The following ABCA13 variants were observed in gnomAD, a reference collection of about 807,000 sequenced individuals.
ABCA13 encodes the protein ATP binding cassette subfamily A member 13, also known as ATP-binding cassette sub-family A member 13.
ABCA13 carries 476 observed loss-of-function variants against 478.7 expected under a neutral mutation model. The ratio of observed to expected loss-of-function variants is 0.99; its 90% CI spans 0.92 to 1.07. The LOEUF (loss-of-function observed/expected upper bound fraction) is 1.07, where lower values mean the gene tolerates loss of function less well. Ranked by LOEUF, ABCA13 falls within the 50% of genes least tolerant of loss-of-function variation. The pLI, the probability that ABCA13 is intolerant of heterozygous loss-of-function variation, is 0.00. For synonymous variants in ABCA13, 2,252 were observed against 2,158.9 expected, an observed-to-expected ratio of 1.04 and a Z score of -1.20; for missense variants, 6,060 against 5,910.6, an observed-to-expected ratio of 1.03 and a Z score of -0.83.
At chr7:48,577,713 G>A (rs1015438397) in intron 55 of ABCA13, among the ~76,000 whole-genome samples, 2 of 148,698 alleles carry the variant, frequency 1.3e-5, no homozygotes, top group East Asian at 4.0e-4. Context: ...AACAATTATG[G>A]TTAACTGTTT....
Position 48,516,729 on chromosome 7 carries a change from G to T in ABCA13, c.13645G>T (p.Ala4549Ser). 6.2e-7 allele frequency: 1 copy of T among 1,613,294 alleles called. No individual in the cohort carries two copies. Among genetic ancestry groups the T allele is most frequent in the Non-Finnish European group, 8.5e-7 (1 of 1,179,536 alleles). ...TALLLSLFGY[A>S]TLPWMYLMSR... ...ACTTTTCACTTTACTTTTCAGATAT[G>T]CAACTCTTCCATGGATGTACCTGAT... The change falls in exon 52 of 62, where the codon GCA (alanine) becomes TCA (serine). Residue 4549 changes from alanine to serine, a missense_variant. Transcript: ENST00000435803.
intron 38 of ABCA13, among the ~76,000 whole-genome samples, chr7:48,396,832 G>T (rs182906037): frequency 6.6e-6 from 1 of 152,158 alleles, no homozygotes; most frequent in African/African-American, 2.4e-5. Context: ...ATGAAGGATC[G>T]CTGGTGCATT....
chr7:48,445,351 C>T (rs1824158071), intron 42 of ABCA13, among the ~76,000 whole-genome samples: 1 of 152,172 alleles, frequency 6.6e-6, no homozygotes. Flanking sequence ...ATTATTCTCA[C>T]TCCCAAATAT....
chr7:48,419,537 C>T (rs990314348), intron 41 of ABCA13, among the ~76,000 whole-genome samples: 1 of 147,878 alleles, frequency 6.8e-6, no homozygotes, highest in Non-Finnish European at 1.5e-5. Flanking sequence ...AAGAGTAATT[C>T]TTCCACGTAA....
At position 48,278,428 on chromosome 7, in the gene ABCA13, G is replaced by A; in HGVS notation, c.7234G>A (p.Ala2412Thr). The change falls in exon 18 of 62, where the codon GCT becomes ACT. Residue 2412 changes from alanine (A) to threonine (T), a missense_variant. Physicochemically the swap from Ala to Thr is moderately conservative, Grantham distance 58. Around this residue, in one of 3 missense-constraint regions of ABCA13, gnomAD observed 4,423 missense variants for 4,309.1 expected, o/e 1.03. Coordinates refer to ENST00000435803, the MANE Select transcript of ABCA13 (RefSeq NM_152701.5). ...LFKLNQDLGS[A>T]LHLVRECSTE... ...CAAACTCAATCAAGATCTTGGGTCAGCTCTTCACCTTGTAAGAGAATGTTC... is the reference window on the plus strand; with the variant it reads ...CAAACTCAATCAAGATCTTGGGTCAACTCTTCACCTTGTAAGAGAATGTTC... 6.2e-7 allele frequency: 1 copy of A among 1,613,910 alleles called. No individual in the cohort carries two copies. The highest frequency in any genetic ancestry group is 1.1e-5 in the South Asian group (1 of 91,084).
At chr7:48,593,815 G>T (rs916411788) in intron 57 of ABCA13, among the ~76,000 whole-genome samples, 1 of 151,678 alleles carries the variant, frequency 6.6e-6, no homozygotes, top group Non-Finnish European at 1.5e-5. Flanking sequence ...ATCTCTGAAG[G>T]GCAGCTTTGC....
chr7:48,415,137 C>T (rs1274846894), intron 41 of ABCA13, among the ~76,000 whole-genome samples: 1 of 152,174 alleles, frequency 6.6e-6, no homozygotes, highest in African/African-American at 2.4e-5. Flanking sequence ...TCAGACACCA[C>T]AGTTGTCACT....
Position 48,173,671 on chromosome 7 carries a change from A to G in ABCA13, c.69+2119A>G, listed in dbSNP as rs562117324. 5.9e-5 allele frequency among the ~76,000 whole-genome samples: 9 copies of G among 152,356 alleles called. No individual in the cohort carries two copies. The East Asian group carries it at 1.5e-3, about 26-fold the overall frequency. On this transcript the variant is annotated intron_variant, in intron 1 of 61. Coordinates refer to ENST00000435803, the MANE Select transcript of ABCA13 (RefSeq NM_152701.5). ...CTAGAATAGCAACAGAGTAGAAACA[A>G]CACAAGTGGTTCCATGCATAGAATT...
intron 1 of ABCA13, among the ~76,000 whole-genome samples, chr7:48,177,343 C>T (rs1795015522): frequency 6.6e-6 from 1 of 152,198 alleles, no homozygotes; most frequent in African/African-American, 2.4e-5. Flanking sequence ...ACTAACTACT[C>T]TTGAACTGCT....
intron 57 of ABCA13, among the ~76,000 whole-genome samples, chr7:48,588,984 A>G (rs981254046): frequency 6.6e-6 from 1 of 152,144 alleles, no homozygotes; most frequent in African/African-American, 2.4e-5. Context: ...ATTTGCAGAA[A>G]AGACTAGATA....
chr7:48,640,947 A>G (rs1795060738), intron 59 of ABCA13, among the ~76,000 whole-genome samples: 1 of 152,136 alleles, frequency 6.6e-6, no homozygotes, highest in African/African-American at 2.4e-5. Context: ...GAGTGTTTCT[A>G]TTTTGGAAGA....
intron 56 of ABCA13, among the ~76,000 whole-genome samples, chr7:48,586,785 A>G (rs1208898498): frequency 2.0e-5 from 3 of 152,258 alleles, no homozygotes; most frequent in East Asian, 1.9e-4. Flanking sequence ...TGACACCGCT[A>G]TTAGTTTCAT....
In ABCA13 at chr7:48,520,442, A is replaced by C. The variant is rs75754940; in HGVS notation, c.14051+148A>C. 6.4e-4 allele frequency: 650 copies of C among 1,022,550 alleles called. 4 individuals carry two copies. In the African/African-American group the frequency reaches 9.8e-3, roughly 15 times the overall value. 63.3% of individuals were successfully genotyped at this position (1,022,550 alleles called of 1,614,324 possible). A position where few individuals can be genotyped will look rare whatever the true frequency, so the allele number is the denominator to read the frequency against. ...ATGCGTTAAGATTTTATTATTTTTTAAACATTGATTGGTGTCAGTCACCCA... is the reference window on the plus strand; with the variant it reads ...ATGCGTTAAGATTTTATTATTTTTTCAACATTGATTGGTGTCAGTCACCCA... On this transcript the variant is annotated intron_variant, in intron 53 of 61. Coordinates refer to ENST00000435803, the MANE Select transcript of ABCA13 (RefSeq NM_152701.5).
At chr7:48,351,334 A>G (rs1261879819) in intron 30 of ABCA13, among the ~76,000 whole-genome samples, 2 of 152,180 alleles carry the variant, frequency 1.3e-5, no homozygotes, top group Non-Finnish European at 1.5e-5. Context: ...ATTATTTTTA[A>G]TTGAGGTTTT....
intron 34 of ABCA13, among the ~76,000 whole-genome samples, chr7:48,375,818 T>A (rs990834930): frequency 1.3e-5 from 2 of 152,106 alleles, no homozygotes; most frequent in African/African-American, 4.8e-5. Context: ...TGAATCAAAA[T>A]GATAGAAACA....
At chr7:48,477,643 A>G (rs547853011) in intron 45 of ABCA13, among the ~76,000 whole-genome samples, 16 of 151,442 alleles carry the variant, frequency 1.1e-4, no homozygotes, top group Non-Finnish European at 1.9e-4. Context: ...CGCAAGGACA[A>G]AAAACCAAAC....
chr7:48,193,523 T>C (rs1036572364), intron 2 of ABCA13, among the ~76,000 whole-genome samples: 1 of 151,810 alleles, frequency 6.6e-6, no homozygotes, highest in East Asian at 1.9e-4. Flanking sequence ...ATGATGGTGA[T>C]GATAGTTATA....
chr7:48,211,638 T>C (rs985790419), intron 3 of ABCA13, among the ~76,000 whole-genome samples: 1 of 152,044 alleles, frequency 6.6e-6, no homozygotes, highest in Admixed American at 6.5e-5. Flanking sequence ...TGGCTGCTGC[T>C]GATGTTTATT....
intron 13 of ABCA13, among the ~76,000 whole-genome samples, chr7:48,246,381 T>C: frequency 6.6e-6 from 1 of 152,188 alleles, no homozygotes; most frequent in East Asian, 1.9e-4. Flanking sequence ...CCAGCAAAAC[T>C]GTGGCTTTGA....
Sources: allele counts gnomAD v4.1 joint callset (sites outside exome capture counted in the v4.1 genomes callset), GRCh38; gene constraint gnomAD v4.1.1; regional missense constraint gnomAD v4.1.1; transcripts MANE v1.5; gene names NCBI Gene and HGNC (gene_info 2026-07-23, HGNC 2026-07-21).